SLC24A3: variants seen among roughly 807,000 people sequenced by gnomAD.
SLC24A3 encodes sodium/potassium/calcium exchanger 3.
Under a neutral mutation model 75.8 loss-of-function variants are expected in SLC24A3, and 28 were observed. That is an observed-to-expected ratio of 0.37 (90% CI 0.27 to 0.51). The LOEUF (loss-of-function observed/expected upper bound fraction) is 0.51, where lower values mean the gene tolerates loss of function less well. Ranked by LOEUF, SLC24A3 falls within the 20% of genes least tolerant of loss-of-function variation. SLC24A3 has a pLI of 0.94. For missense variants in SLC24A3, 663 were observed against 847.8 expected, an observed-to-expected ratio of 0.78 and a Z score of 2.71; for synonymous variants, 372 against 334.1, an observed-to-expected ratio of 1.11 and a Z score of -1.24.
At position 19,358,297 on chromosome 20, in the gene SLC24A3, A is replaced by G. The variant is rs547243653; in HGVS notation, c.271+77210A>G. Among the ~76,000 whole-genome samples the G allele has an allele frequency of 3.5e-4, 54 of 152,250 alleles. 1 individual carries two copies. The highest frequency in any genetic ancestry group is 6.9e-4 in the Non-Finnish European group (47 of 68,014). On this transcript the variant is annotated intron_variant, in intron 2 of 16. Transcript: ENST00000328041. ...GGAGGGCAGGCCCCCGAGGTCTAAG[A>G]TTGGACTCAACATCCACCCGCGCCA...
chr20:19,307,964 C>G (rs1176076859), intron 2 of SLC24A3, among the ~76,000 whole-genome samples: 1 of 152,116 alleles, frequency 6.6e-6, no homozygotes, highest in Non-Finnish European at 1.5e-5. Context: ...CCTTGTGCCT[C>G]ATATTTATGG....
At chr20:19,291,123 C>G (rs749760417) in intron 2 of SLC24A3, among the ~76,000 whole-genome samples, 1 of 150,722 alleles carries the variant, frequency 6.6e-6, no homozygotes, top group Non-Finnish European at 1.5e-5. Flanking sequence ...CAGGGCTGGC[C>G]GAGGTAACAG....
intron 1 of SLC24A3, among the ~76,000 whole-genome samples, chr20:19,238,691 G>T (rs1234460084): frequency 6.6e-6 from 1 of 152,172 alleles, no homozygotes; most frequent in East Asian, 1.9e-4. Flanking sequence ...CTAACCATGG[G>T]GAGGGAGCAG....
At chr20:19,349,792 C>G (rs1383890778) in intron 2 of SLC24A3, among the ~76,000 whole-genome samples, 1 of 152,194 alleles carries the variant, frequency 6.6e-6, no homozygotes, top group African/African-American at 2.4e-5. Flanking sequence ...TCTGAGGAAC[C>G]CAAATTCAGA....
At chr20:19,696,532 C>T (rs6112527) in intron 13 of SLC24A3, 193,160 of 374,780 alleles carry the variant, frequency 0.52, 51,846 homozygotes, top group South Asian at 0.65. Context: ...CTTCTCAAAC[C>T]ACCCGCCTCA....
intron 1 of SLC24A3, among the ~76,000 whole-genome samples, chr20:19,259,201 C>G (rs1333360936): frequency 6.6e-6 from 1 of 152,156 alleles, no homozygotes. Flanking sequence ...AGTCACACTG[C>G]AGGTCTAAGA....
intron 2 of SLC24A3, among the ~76,000 whole-genome samples, chr20:19,512,356 G>A (rs372402714): frequency 6.6e-6 from 1 of 152,176 alleles, no homozygotes; most frequent in Non-Finnish European, 1.5e-5. Context: ...CAGCTTCTGG[G>A]TGGACTGTCC....
chr20:19,457,639 C>A (rs1987601765), intron 2 of SLC24A3, among the ~76,000 whole-genome samples: 1 of 152,178 alleles, frequency 6.6e-6, no homozygotes, highest in Non-Finnish European at 1.5e-5. Context: ...GATCTCTGGG[C>A]TGTCTTATGA....
In SLC24A3 at chr20:19,334,398, G is replaced by A. The variant is rs1985077005; in HGVS notation, c.271+53311G>A. On this transcript the variant is annotated intron_variant, in intron 2 of 16. Coordinates refer to ENST00000328041, the MANE Select transcript of SLC24A3 (RefSeq NM_020689.4). ...TAAAAAAAATAAAGAGTGCTATGAA[G>A]CATACAAAAGTATATGAAGTATATC... Among the ~76,000 whole-genome samples the A allele has an allele frequency of 2.0e-5, 3 of 151,804 alleles. No homozygotes were observed. In the South Asian group the frequency reaches 6.2e-4, roughly 31 times the overall value.
chr20:19,534,135 A>C (rs2030353440), intron 3 of SLC24A3, among the ~76,000 whole-genome samples: 1 of 152,388 alleles, frequency 6.6e-6, no homozygotes, highest in South Asian at 2.1e-4. Context: ...TAAATAGCAA[A>C]GCTTGGTATT....
chr20:19,674,788 C>T (rs992828474), intron 9 of SLC24A3, among the ~76,000 whole-genome samples: 1 of 152,204 alleles, frequency 6.6e-6, no homozygotes, highest in African/African-American at 2.4e-5. Context: ...CGCAGTGGCT[C>T]ATGCCTGTAA....
chr20:19,521,458 C>A (rs1018548241), intron 3 of SLC24A3, among the ~76,000 whole-genome samples: 7 of 152,086 alleles, frequency 4.6e-5, no homozygotes, highest in African/African-American at 1.4e-4. Context: ...AGCTCCACAA[C>A]CCCACCTTCC....
At chr20:19,314,277 A>ATTTATTTATTTTAT (rs1555787420) in intron 2 of SLC24A3, among the ~76,000 whole-genome samples, 1 of 126,442 alleles carries the variant, frequency 7.9e-6, no homozygotes, top group Non-Finnish European at 1.7e-5. Context: ...GTTTTTATTT[A>ATTTATTTATTTTAT]TTTATTTTAT....
intron 6 of SLC24A3, among the ~76,000 whole-genome samples, chr20:19,605,819 C>G (rs2031589465): frequency 6.6e-6 from 1 of 152,172 alleles, no homozygotes. Flanking sequence ...TTATACCTAT[C>G]AGACTGCTTT....
chr20:19,482,287 A>G (rs1988068271), intron 2 of SLC24A3, among the ~76,000 whole-genome samples: 1 of 151,846 alleles, frequency 6.6e-6, no homozygotes, highest in Non-Finnish European at 1.5e-5. Context: ...CTCTTTCCTC[A>G]AGCCTCATTC....
intron 2 of SLC24A3, among the ~76,000 whole-genome samples, chr20:19,290,538 A>G (rs1053576473): frequency 5.3e-5 from 8 of 152,200 alleles, no homozygotes; most frequent in African/African-American, 1.9e-4. Context: ...AATGTCATCT[A>G]TGAACCAGCA....
At chr20:19,674,990 C>T (rs2032507481) in intron 9 of SLC24A3, among the ~76,000 whole-genome samples, 1 of 152,168 alleles carries the variant, frequency 6.6e-6, no homozygotes, top group Non-Finnish European at 1.5e-5. Flanking sequence ...GCAGAGGTTG[C>T]AATGAGCTGA....
At chr20:19,592,509 C>A (rs539287157) in intron 6 of SLC24A3, among the ~76,000 whole-genome samples, 1 of 152,122 alleles carries the variant, frequency 6.6e-6, no homozygotes, top group South Asian at 2.1e-4. Context: ...ATAATCAGCA[C>A]GGTGCAATGG....
At chr20:19,471,510 G>A (rs1224014431) in intron 2 of SLC24A3, among the ~76,000 whole-genome samples, 1 of 152,208 alleles carries the variant, frequency 6.6e-6, no homozygotes, top group Non-Finnish European at 1.5e-5. Flanking sequence ...AGTGGGGGCA[G>A]GGGTGTCCAG....
Sources: allele counts gnomAD v4.1 joint callset (sites outside exome capture counted in the v4.1 genomes callset), GRCh38; gene constraint gnomAD v4.1.1; transcripts MANE v1.5; gene names NCBI Gene and HGNC (gene_info 2026-07-23, HGNC 2026-07-21).